The following MRPS10 variants were observed in gnomAD, a reference collection of about 807,000 sequenced individuals.
MRPS10 encodes mitochondrial ribosomal protein S10.
A neutral mutation model predicts 27.5 loss-of-function variants in MRPS10; 23 were observed. The ratio of observed to expected loss-of-function variants is 0.84; its 90% CI spans 0.60 to 1.18. The LOEUF (loss-of-function observed/expected upper bound fraction) is 1.18, where lower values mean the gene tolerates loss of function less well. Ranked by LOEUF, MRPS10 falls within the 50% of genes most tolerant of loss-of-function variation. The probability of loss-of-function intolerance (pLI) is 0.00; values close to 1 mark genes in which losing one functional copy is unlikely to be tolerated. For synonymous variants in MRPS10, 88 were observed against 84.2 expected, an observed-to-expected ratio of 1.04 and a Z score of -0.25; for missense variants, 237 against 240.1, an observed-to-expected ratio of 0.99 and a Z score of 0.09.
At position 42,211,812 on chromosome 6, in the gene MRPS10, CA is replaced by C; in HGVS notation, c.291del (p.Ala98LeufsTer18). ...ATAGAGATACCAAGTTCTTTAGCAGCAAGCACAGCAAAATATTCATAACTGT... is the reference window on the plus strand; with the variant it reads ...ATAGAGATACCAAGTTCTTTAGCAGCAGCACAGCAAAATATTCATAACTGT... ...VLDSYEYFAVLAAKELGISIK... is the reference protein window; with the variant it reads ...VLDSYEYFAVXAAKELGISIK... On this transcript the variant is annotated frameshift_variant, in exon 4 of 7. Coordinates refer to ENST00000053468, the MANE Select transcript of MRPS10 (RefSeq NM_018141.4). LOFTEE classifies it high-confidence loss of function. The C allele has an allele frequency of 6.2e-7, 1 of 1,613,844 alleles. No homozygotes were observed. The highest frequency in any genetic ancestry group is 8.5e-7 in the Non-Finnish European group (1 of 1,179,940).
intron 1 of MRPS10, among the ~76,000 whole-genome samples, chr6:42,215,373 G>A (rs750304945): frequency 0.052 from 1,960 of 37,900 alleles, 16 homozygotes; most frequent in Middle Eastern, 0.087. Context: ...AAAAAAAAAA[G>A]AAGTTTAGCA....
chr6:42,217,727 G>A, intron 1 of MRPS10, 75 bp downstream of exon 1: 1 of 1,501,630 alleles, frequency 6.7e-7, no homozygotes, highest in Non-Finnish European at 9.2e-7. Context: ...CTGATGGGCA[G>A]AGCGGCTGGT....
chr6:42,211,293 G>A (rs1027351541), intron 4 of MRPS10, among the ~76,000 whole-genome samples: 2 of 152,184 alleles, frequency 1.3e-5, no homozygotes, highest in African/African-American at 4.8e-5. Context: ...GCTCCATGGA[G>A]ATCCCAGAAA....
At chr6:42,216,277 C>T (rs1768929875) in intron 1 of MRPS10, among the ~76,000 whole-genome samples, 3 of 151,006 alleles carry the variant, frequency 2.0e-5, no homozygotes, top group Admixed American at 2.0e-4. Context: ...CCACCTCGGC[C>T]TCCCAAAGTG....
chr6:42,214,213 A>G (rs1768857252), intron 2 of MRPS10, 21 bp from the exon 3 acceptor site: 4 of 1,610,040 alleles, frequency 2.5e-6, no homozygotes, highest in Non-Finnish European at 3.4e-6. Flanking sequence ...GGAAAAAAAG[A>G]GAAACCTAAG....
At chr6:42,209,011 T>TTC in intron 5 of MRPS10, 64 bp from the exon 6 acceptor site, 2 of 1,136,112 alleles carry the variant, frequency 1.8e-6, no homozygotes, top group Admixed American at 2.1e-5. Context: ...TTTTTGTTTT[T>TTC]TTTTTTGAGA....
In MRPS10 at chr6:42,216,026, C is replaced by CTTTTTTTTTT. The variant is rs34985131; in HGVS notation, c.49-1692_49-1683dup. 1.6e-3 allele frequency among the ~76,000 whole-genome samples: 91 copies of CTTTTTTTTTT among 56,958 alleles called. 1 individual carries two copies. The highest frequency in any genetic ancestry group is 5.7e-3 in the East Asian group (4 of 702). The allele number at this position is 56,958 out of a possible 152,430, so 37.4% of individuals were successfully genotyped here. A position where few individuals can be genotyped will look rare whatever the true frequency, so the allele number is the denominator to read the frequency against. ...TTTTCTTTTCTTTTTTTTTTCTTTTCTTTTTTTTTTTTTTTTTGAGAGAGT... is the reference window on the plus strand; with the variant it reads ...TTTTCTTTTCTTTTTTTTTTCTTTTCTTTTTTTTTTTTTTTTTTTTTTTTTTTGAGAGAGT... On this transcript the variant is annotated intron_variant, in intron 1 of 6. Transcript: ENST00000053468.
chr6:42,217,812 C>A lies in MRPS10; in HGVS notation c.38G>T (p.Arg13Leu). 2 of 1,614,130 alleles carry A rather than the reference C, an allele frequency of 1.2e-6. No individual in the cohort carries two copies. The highest frequency in any genetic ancestry group is 1.3e-5 in the African/African-American group (1 of 75,040). The change falls in exon 1 of 7, where the codon CGC (arginine) becomes CTC (leucine). Residue 13 changes from arginine to leucine, a missense_variant. Arg to Leu is a moderately radical substitution (Grantham distance 102, BLOSUM62 -2). Around this residue, in one of 3 missense-constraint regions of MRPS10, gnomAD observed 164 missense variants for 137.8 expected, o/e 1.19. Transcript: ENST00000053468. ...TAGCCAATCCAGTACCTGCCAGAGGCGCCGGCACACAGCACCGAACGCTGT... is the reference window on the plus strand; with the variant it reads ...TAGCCAATCCAGTACCTGCCAGAGGAGCCGGCACACAGCACCGAACGCTGT... Reference protein sequence around the residue: ...ARTAFGAVCRRLWQGLGNFSV... With the variant: ...ARTAFGAVCRLLWQGLGNFSV...
chr6:42,214,915 C>T (rs964921304), intron 1 of MRPS10, among the ~76,000 whole-genome samples: 20 of 152,244 alleles, frequency 1.3e-4, no homozygotes, highest in African/African-American at 4.8e-4. Flanking sequence ...CATGCTACAA[C>T]GAACCCACAT....
chr6:42,209,021 A>G (rs1768696274), intron 5 of MRPS10, 74 bp from the exon 6 acceptor site: 4 of 904,494 alleles, frequency 4.4e-6, no homozygotes, highest in African/African-American at 2.1e-5. Flanking sequence ...TTTTTTTGAG[A>G]TGGAGTCTCA....
At position 42,217,784 on chromosome 6, in the gene MRPS10, C is replaced by G; in HGVS notation, c.48+18G>C. ...CTATCCCGGTCAGCCCTCCTAGTCT[C>G]CCTAGCCAATCCAGTACCTGCCAGA... On this transcript the variant is annotated intron_variant, in intron 1 of 6. Coordinates refer to ENST00000053468, the MANE Select transcript of MRPS10 (RefSeq NM_018141.4). The G allele has an allele frequency of 1.2e-6, 2 of 1,613,982 alleles. No homozygotes were observed. Among genetic ancestry groups the G allele is most frequent in the South Asian group, 1.1e-5 (1 of 91,066 alleles).
chr6:42,208,480 C>T, intron 6 of MRPS10, 108 bp from the exon 7 acceptor site: 1 of 852,390 alleles, frequency 1.2e-6, no homozygotes, highest in South Asian at 1.7e-5. Context: ...TTTCTTTTAT[C>T]CCCCTAGTCT....
chr6:42,211,226 A>C (rs1440417449), intron 4 of MRPS10, among the ~76,000 whole-genome samples: 2 of 152,216 alleles, frequency 1.3e-5, no homozygotes, highest in African/African-American at 2.4e-5. Context: ...TATTAGCCAA[A>C]AATCATCACA....
Position 42,207,112 on chromosome 6 carries a change from C to A in MRPS10, c.*1177G>T, listed in dbSNP as rs1051158733. The A allele has an allele frequency of 1.3e-5, 2 of 151,486 alleles. 1 individual carries two copies. The highest frequency in any genetic ancestry group is 6.8e-3 in the Middle Eastern group (2 of 294). 9.4% of individuals were successfully genotyped at this position (151,486 alleles called of 1,614,324 possible). A position where few individuals can be genotyped will look rare whatever the true frequency, so the allele number is the denominator to read the frequency against. On this transcript the variant is annotated 3_prime_UTR_variant, in exon 7 of 7. Transcript: ENST00000053468. ...CAGGGCTTTAGCCACTATTTCATTT[C>A]ATGGAAAAGCAGACATCTCCTAACA...
Position 42,211,751 on chromosome 6 carries a change from A to C in MRPS10, c.323+30T>G, listed in dbSNP as rs143127598. 2.9e-3 allele frequency: 4,670 copies of C among 1,598,928 alleles called. 14 individuals are homozygous for C. The highest frequency in any genetic ancestry group is 3.7e-3 in the Non-Finnish European group (4,295 of 1,174,156). On this transcript the variant is annotated intron_variant, in intron 4 of 6. Coordinates refer to ENST00000053468, the MANE Select transcript of MRPS10 (RefSeq NM_018141.4). ...CTGGTTGATCATATTACAGCAGCGA[A>C]CAGGTCGGGTCAGGAAAGGCCATAC... is the stretch of plus-strand genomic sequence containing the variant.
chr6:42,216,789 C>G lies in MRPS10; in HGVS notation c.48+1013G>C, dbSNP rs1768954158. 3.3e-5 allele frequency among the ~76,000 whole-genome samples: 5 copies of G among 151,942 alleles called. No individual in the cohort carries two copies. The South Asian group carries it at 1.0e-3, about 32-fold the overall frequency. On this transcript the variant is annotated intron_variant, in intron 1 of 6. Transcript: ENST00000053468. ...TCGTGCCATTGCGCTCCAGCTTGGG[C>G]GACAAGAGCGAAACTCCGTCTCCAA...
At chr6:42,214,477 T>A (rs1287745731) in intron 1 of MRPS10, 133 bp from the exon 2 acceptor site, 19 of 511,978 alleles carry the variant, frequency 3.7e-5, no homozygotes, top group Middle Eastern at 5.0e-4. Flanking sequence ...ATGGCCAAAT[T>A]AGATTGAAAA....
chr6:42,215,197 T>C (rs1369159836), intron 1 of MRPS10, among the ~76,000 whole-genome samples: 2 of 151,796 alleles, frequency 1.3e-5, no homozygotes, highest in Non-Finnish European at 2.9e-5. Flanking sequence ...CAGAGCAGCC[T>C]GGCCAACATG....
intron 4 of MRPS10, 43 bp from the exon 5 acceptor site, chr6:42,210,639 C>T: frequency 6.4e-7 from 1 of 1,567,324 alleles, no homozygotes; most frequent in Non-Finnish European, 8.7e-7. Context: ...ACTATGATAA[C>T]AAAGCATAAT....
Sources: gnomAD v4.1 joint callset for allele counts (sites outside exome capture counted in the v4.1 genomes callset) on GRCh38, gnomAD v4.1.1 for gene constraint, gnomAD v4.1.1 regional missense constraint, MANE v1.5 for transcripts, NCBI Gene and HGNC (gene_info 2026-07-23, HGNC 2026-07-21) for gene names.